OTUD7A: variants seen among roughly 807,000 people sequenced by gnomAD.
OTUD7A encodes the protein OTU deubiquitinase 7A.
Under a neutral mutation model 65.7 loss-of-function variants are expected in OTUD7A, and 12 were observed. The observed-to-expected ratio is 0.18, with a 90% CI of 0.12 to 0.30. The LOEUF is 0.30. Ranked by LOEUF, OTUD7A falls within the 10% of genes least tolerant of loss-of-function variation. The pLI is 1.00. For synonymous variants in OTUD7A, 641 were observed against 586.3 expected (o/e 1.09, Z -1.35); for missense variants, 1,148 against 1,304.8 (o/e 0.88, Z 1.85).
Position 31,755,090 on chromosome 15 carries a change from AAG to A in OTUD7A, c.-99-98015_-99-98014del, listed in dbSNP as rs917389400. Among the ~76,000 whole-genome samples, 20 of 150,876 alleles carry A rather than the reference AAG, an allele frequency of 1.3e-4. No individual in the cohort carries two copies. The East Asian group carries it at 2.1e-3, about 16-fold the overall frequency. On this transcript the variant is annotated intron_variant, in intron 1 of 12. Coordinates refer to ENST00000307050, the MANE Select transcript of OTUD7A (RefSeq NM_001382637.1). Reference sequence around the variant, plus strand: ...GTGTGTGTGTGTGTGTGAAAGAGAGAAGAGAGATAATTCTATTTAAGGAGGAG... The same window carrying A: ...GTGTGTGTGTGTGTGTGAAAGAGAGAAGAGATAATTCTATTTAAGGAGGAG...
chr15:31,576,991 C>T (rs762538869), intron 3 of OTUD7A, among the ~76,000 whole-genome samples: 2 of 152,038 alleles, frequency 1.3e-5, no homozygotes, highest in Non-Finnish European at 2.9e-5. Context: ...AAATAGAGAT[C>T]ATAAAATAGA....
chr15:31,856,625 A>C (rs935835279), intron 1 of OTUD7A, among the ~76,000 whole-genome samples: 3 of 152,210 alleles, frequency 2.0e-5, no homozygotes, highest in African/African-American at 7.2e-5. Context: ...TACACTCAAA[A>C]CACCACAAGC....
chr15:31,657,547 G>A (rs1212750116), intron 1 of OTUD7A, among the ~76,000 whole-genome samples: 4 of 150,274 alleles, frequency 2.7e-5, no homozygotes, highest in Non-Finnish European at 5.9e-5. Context: ...ATTTTTAGTA[G>A]AGACAGGGTT....
chr15:31,578,535 T>C (rs1889272974), intron 3 of OTUD7A, among the ~76,000 whole-genome samples: 1 of 150,610 alleles, frequency 6.6e-6, no homozygotes, highest in African/African-American at 2.5e-5. Context: ...CTGTTTCACA[T>C]TTCCAGACCA....
At chr15:31,609,065 T>C (rs1333134773) in intron 3 of OTUD7A, among the ~76,000 whole-genome samples, 1 of 151,868 alleles carries the variant, frequency 6.6e-6, no homozygotes, top group Non-Finnish European at 1.5e-5. Context: ...AATACAGGGG[T>C]AGAGGAGGCA....
intron 3 of OTUD7A, among the ~76,000 whole-genome samples, chr15:31,579,096 C>T (rs185258706): frequency 1.4e-4 from 21 of 152,160 alleles, no homozygotes; most frequent in Admixed American, 1.0e-3. Context: ...AGACAGTTGT[C>T]GATTTGGGAA....
At position 31,808,136 on chromosome 15, in the gene OTUD7A, C is replaced by CACACACACACACACAAAAAA. The variant is rs772574742; in HGVS notation, c.-100+62370_-100+62371insTTTTTTGTGTGTGTGTGTGT. ...ACACACACACACACACACACACACACAAACAAATCCTCACCAGGTTTTTCC... is the reference window on the plus strand; with the variant it reads ...ACACACACACACACACACACACACACACACACACACACACAAAAAAAAACAAATCCTCACCAGGTTTTTCC... On this transcript the variant is annotated intron_variant, in intron 1 of 12. Transcript: ENST00000307050. Among the ~76,000 whole-genome samples, 305 of 119,434 alleles carry CACACACACACACACAAAAAA rather than the reference C, an allele frequency of 2.6e-3. 2 individuals carry two copies. The highest frequency in any genetic ancestry group is 4.7e-3 in the Middle Eastern group (1 of 212). The allele number at this position is 119,434 out of a possible 152,430, so 78.4% of individuals were successfully genotyped here.
chr15:31,682,039 G>C (rs1892729686), intron 1 of OTUD7A, among the ~76,000 whole-genome samples: 1 of 152,168 alleles, frequency 6.6e-6, no homozygotes, highest in Non-Finnish European at 1.5e-5. Flanking sequence ...CTGAGGAAGT[G>C]ACATCTCATC....
intron 1 of OTUD7A, among the ~76,000 whole-genome samples, chr15:31,674,076 C>T (rs1595701194): frequency 6.6e-6 from 1 of 152,300 alleles, no homozygotes; most frequent in South Asian, 2.1e-4. Context: ...TACTCTAATA[C>T]TGCTTACAAG....
intron 3 of OTUD7A, among the ~76,000 whole-genome samples, chr15:31,648,729 T>G (rs1891750078): frequency 6.6e-6 from 1 of 152,214 alleles, no homozygotes; most frequent in Non-Finnish European, 1.5e-5. Context: ...GATTTATATC[T>G]TTGCCTGTAA....
At chr15:31,675,769 T>C (rs115530490) in intron 1 of OTUD7A, among the ~76,000 whole-genome samples, 6,879 of 152,282 alleles carry the variant, frequency 0.045, 524 homozygotes, top group African/African-American at 0.16. Context: ...AAAAGATCTA[T>C]TTCATAATAG....
In OTUD7A at chr15:31,625,606, C is replaced by T. The variant is rs1287447130; in HGVS notation, c.151+29490G>A. ...AGTTTCTGTAATACTCAACATACAT[C>T]TGCCTATGACCTAGCTACATCTACC... On this transcript the variant is annotated intron_variant, in intron 3 of 12. Transcript: ENST00000307050. 3.3e-5 allele frequency among the ~76,000 whole-genome samples: 5 copies of T among 152,146 alleles called. 1 individual carries two copies. Among genetic ancestry groups the T allele is most frequent in the African/African-American group, 1.2e-4 (5 of 41,420 alleles).
rs1358980084 is a variant in OTUD7A, at chr15:31,498,068, C to T, written c.1171+3622G>A. 6.6e-6 allele frequency among the ~76,000 whole-genome samples: 1 copy of T among 152,166 alleles called. No individual in the cohort carries two copies. The highest frequency in any genetic ancestry group is 2.4e-5 in the African/African-American group (1 of 41,440). Reference sequence around the variant, plus strand: ...ATGCTCTGCACGGCTCTATATCCACCCAAAGGGAAGAGGAGCTGTGGAGAT... The same window carrying T: ...ATGCTCTGCACGGCTCTATATCCACTCAAAGGGAAGAGGAGCTGTGGAGAT... On this transcript the variant is annotated intron_variant, in intron 10 of 12. Transcript: ENST00000307050. This position sits in a 1 kb window ranked among gnomAD's most constrained non-coding sequence, Gnocchi z 4.2.
chr15:31,552,290 T>C (rs1305644559), intron 5 of OTUD7A, among the ~76,000 whole-genome samples: 2 of 152,184 alleles, frequency 1.3e-5, no homozygotes, highest in Non-Finnish European at 2.9e-5. Context: ...AATTACCTGG[T>C]CTCAGGTATC....
rs931827648 is a variant in OTUD7A at position 31,498,018 on chromosome 15, C to T, written c.1171+3672G>A. Among the ~76,000 whole-genome samples the T allele has an allele frequency of 3.9e-5, 6 of 152,194 alleles. No homozygotes were observed. The highest frequency in any genetic ancestry group is 1.9e-4 in the East Asian group (1 of 5,196). ...TCCCAGTGCAACCTGCTGGCCAGGC[C>T]GAGAGCTAACATGTACACATGGGTA... On this transcript the variant is annotated intron_variant, in intron 10 of 12. Transcript: ENST00000307050. The surrounding 1 kb of genome is among the most constrained non-coding windows in gnomAD (Gnocchi z 4.2).
At chr15:31,870,118 G>C (rs911030207) in intron 1 of OTUD7A, among the ~76,000 whole-genome samples, 5 of 149,928 alleles carry the variant, frequency 3.3e-5, no homozygotes. Context: ...GCGCGCGCAC[G>C]GACCGAGGGG....
chr15:31,486,635 G>A (rs1282982260), intron 12 of OTUD7A, among the ~76,000 whole-genome samples: 3 of 152,050 alleles, frequency 2.0e-5, no homozygotes, highest in Admixed American at 1.3e-4. Flanking sequence ...GCAGCCTCAT[G>A]GGGCGTAGGC....
intron 1 of OTUD7A, among the ~76,000 whole-genome samples, chr15:31,735,596 T>G (rs563124270): frequency 6.6e-6 from 1 of 151,932 alleles, no homozygotes; most frequent in African/African-American, 2.4e-5. Flanking sequence ...AAAGGAACAT[T>G]TATACATTGC....
chr15:31,483,935 G>T lies in OTUD7A; in HGVS notation c.2161C>A (p.Pro721Thr). ...PVPERASPGPPTQLVLKLKER... is the reference protein window; with the variant it reads ...PVPERASPGPTTQLVLKLKER... The stretch of plus-strand genomic sequence containing the variant: ...TTGAGCTTGAGCACCAGCTGCGTGG[G>T]TGGGCCCGGAGAGGCGCGCTCCGGG... The change falls in exon 13 of 13, where the codon CCC becomes ACC. Residue 721 changes from proline (P) to threonine (T), a missense_variant. Coordinates refer to ENST00000307050, the MANE Select transcript of OTUD7A (RefSeq NM_001382637.1). The T allele has an allele frequency of 9.1e-7, 1 of 1,101,472 alleles. No individual in the cohort carries two copies. The highest frequency in any genetic ancestry group is 1.1e-6 in the Non-Finnish European group (1 of 896,628). The allele number at this position is 1,101,472 out of a possible 1,614,324, so 68.2% of individuals were successfully genotyped here.
Sources: gnomAD v4.1 joint callset for allele counts (sites outside exome capture counted in the v4.1 genomes callset) on GRCh38, gnomAD v4.1.1 for gene constraint, Gnocchi (gnomAD v3.1) non-coding constraint, MANE v1.5 for transcripts, NCBI Gene and HGNC (gene_info 2026-07-23, HGNC 2026-07-21) for gene names.